Variants in PHRF1 observed in about 807,000 individuals in gnomAD.
PHRF1 encodes the protein PHD and RING finger domain-containing protein 1.
Under a neutral mutation model 128.9 loss-of-function variants are expected in PHRF1, and 53 were observed. The ratio of observed to expected loss-of-function variants is 0.41; its 90% CI spans 0.33 to 0.52. PHRF1 has a LOEUF of 0.52. PHRF1 is among the 20% of genes least tolerant of loss of function. The pLI is 0.21. For synonymous variants in PHRF1, 1,178 were observed against 980.6 expected, an observed-to-expected ratio of 1.20 and a Z score of -3.76; for missense variants, 2,503 against 2,284.5, an observed-to-expected ratio of 1.10 and a Z score of -1.95.
At position 587,346 on chromosome 11, in the gene PHRF1, C is replaced by T. The variant is rs752598915; in HGVS notation, c.302C>T (p.Ser101Phe). 11 of 1,613,728 alleles carry T rather than the reference C, an allele frequency of 6.8e-6. No homozygotes were observed. Among genetic ancestry groups the T allele is most frequent in the African/African-American group, 1.3e-5 (1 of 74,934 alleles). Residue 101 changes from serine to phenylalanine, a missense_variant, in exon 4 of 18, where the codon TCT becomes TTT. Ser to Phe is a radical substitution (Grantham distance 155). Transcript: ENST00000264555. ...GKLEAAGSFN[S>F]DDDAESCPIC... ...CTGGAAGCCGCTGGCTCTTTCAATTCTGATGATGATGCAGAGAGCTGCCCA... is the reference window on the plus strand; with the variant it reads ...CTGGAAGCCGCTGGCTCTTTCAATTTTGATGATGATGCAGAGAGCTGCCCA...
intron 6 of PHRF1, among the ~76,000 whole-genome samples, chr11:595,594 C>T (rs1855230778): frequency 6.6e-6 from 1 of 152,134 alleles, no homozygotes; most frequent in African/African-American, 2.4e-5. Context: ...TCCCCGTGCT[C>T]GTATTTAAAC....
intron 4 of PHRF1, 98 bp downstream of exon 4, chr11:587,562 G>A: frequency 1.6e-6 from 2 of 1,277,694 alleles, no homozygotes; most frequent in Middle Eastern, 2.7e-4. Context: ...GGTTCTAGTT[G>A]TCTGCTCTGC....
chr11:601,531 G>A, intron 9 of PHRF1, 43 bp from the exon 10 acceptor site: 2 of 1,611,546 alleles, frequency 1.2e-6, no homozygotes, highest in Non-Finnish European at 1.7e-6. Context: ...GGGCAGGGAG[G>A]GCCCAGCACA....
In PHRF1 at chr11:611,617, T is replaced by G; in HGVS notation, c.4807-17T>G. Reference sequence around the variant, plus strand: ...TGGATGTGAAAGGGCATTTGGTGATTGCACCTCTTTCTCCAGATCTGCCAC... The same window carrying G: ...TGGATGTGAAAGGGCATTTGGTGATGGCACCTCTTTCTCCAGATCTGCCAC... On this transcript the variant is annotated splice_polypyrimidine_tract_variant and intron_variant, in intron 17 of 17. Coordinates refer to ENST00000264555, the MANE Select transcript of PHRF1 (RefSeq NM_001286581.2). 1 of 1,612,792 alleles carries G rather than the reference T, an allele frequency of 6.2e-7. No individual in the cohort carries two copies. The highest frequency in any genetic ancestry group is 8.5e-7 in the Non-Finnish European group (1 of 1,179,780).
chr11:589,581 G>GA (rs34610235), intron 4 of PHRF1, among the ~76,000 whole-genome samples: 94,279 of 151,620 alleles, frequency 0.62, 30,228 homozygotes, highest in East Asian at 0.93. Context: ...ACTCGGGGGG[G>GA]CAGGAGGCGC....
intron 4 of PHRF1, among the ~76,000 whole-genome samples, chr11:588,779 T>G (rs1854745424): frequency 6.6e-6 from 1 of 152,220 alleles, no homozygotes; most frequent in South Asian, 2.1e-4. Flanking sequence ...ATTTTCTGTC[T>G]GGCATTTATT....
intron 1 of PHRF1, among the ~76,000 whole-genome samples, chr11:576,912 C>G (rs1271740568): frequency 6.7e-6 from 1 of 149,740 alleles, no homozygotes; most frequent in African/African-American, 2.5e-5. Context: ...GAGGCCCCGC[C>G]GAGACTGGGA....
At chr11:591,511 C>A (rs767884141) in intron 5 of PHRF1, 44 bp downstream of exon 5, 3 of 1,505,968 alleles carry the variant, frequency 2.0e-6, no homozygotes, top group Non-Finnish European at 2.7e-6. Flanking sequence ...GTGCTTCTAT[C>A]CCGGCCCTGT....
intron 6 of PHRF1, among the ~76,000 whole-genome samples, chr11:596,227 T>G (rs1237720757): frequency 6.6e-6 from 1 of 152,152 alleles, no homozygotes. Flanking sequence ...TCAAGGATCT[T>G]TGCATAGACT....
At chr11:600,177 C>T (rs1855542492) in intron 9 of PHRF1, among the ~76,000 whole-genome samples, 1 of 151,706 alleles carries the variant, frequency 6.6e-6, no homozygotes, top group Non-Finnish European at 1.5e-5. Flanking sequence ...ATGGTGCACT[C>T]AGGGATGTCA....
chr11:577,334 GT>G (rs1332516830), intron 1 of PHRF1, among the ~76,000 whole-genome samples: 1 of 152,246 alleles, frequency 6.6e-6, no homozygotes, highest in African/African-American at 2.4e-5. Context: ...CTTCTTCGGA[GT>G]TTATGTGCTT....
In PHRF1 at chr11:611,720, C is replaced by T. The variant is rs780745082; in HGVS notation, c.4893C>T (p.Arg1631=). 2 of 1,612,970 alleles carry T rather than the reference C, an allele frequency of 1.2e-6. No homozygotes were observed. Among genetic ancestry groups the T allele is most frequent in the South Asian group, 1.1e-5 (1 of 91,080 alleles). Reference sequence around the variant, plus strand: ...ACGTGGACAAGTACAGGCACATGCGCAGGCACAAGAAACCAGAGGCCGGGG... The same window carrying T: ...ACGTGGACAAGTACAGGCACATGCGTAGGCACAAGAAACCAGAGGCCGGGG... ...KAYVDKYRHM[R]RHKKPEAGEE... is the part of the protein sequence containing the mutation. The change falls in exon 18 of 18, where the codon CGC becomes CGT. Residue 1631 remains arginine, a synonymous_variant. Coordinates refer to ENST00000264555, the MANE Select transcript of PHRF1 (RefSeq NM_001286581.2).
Position 608,191 on chromosome 11 carries a change from A to C in PHRF1, c.2735A>C (p.Glu912Ala). 6.2e-7 allele frequency: 1 copy of C among 1,609,820 alleles called. No individual in the cohort carries two copies. Among genetic ancestry groups the C allele is most frequent in the South Asian group, 1.1e-5 (1 of 91,076 alleles). Residue 912 changes from glutamate (E) to alanine (A), a missense_variant, in exon 14 of 18, where the codon GAG becomes GCG. Physicochemically the swap from Glu to Ala is moderately radical, Grantham distance 107. Coordinates refer to ENST00000264555, the MANE Select transcript of PHRF1 (RefSeq NM_001286581.2). The part of the protein sequence containing the change: ...MSKLRGAVAA[E>A]GASDTEREEP... Reference sequence around the variant, plus strand: ...AAGCTCCGGGGTGCAGTGGCTGCCGAGGGGGCCTCTGACACGGAGCGAGAG... The same window carrying C: ...AAGCTCCGGGGTGCAGTGGCTGCCGCGGGGGCCTCTGACACGGAGCGAGAG...
intron 1 of PHRF1, among the ~76,000 whole-genome samples, chr11:580,226 A>C (rs1345474707): frequency 6.6e-6 from 1 of 152,202 alleles, no homozygotes; most frequent in Non-Finnish European, 1.5e-5. Context: ...CAAGGTCAAT[A>C]GCACTGATGA....
At chr11:578,050 C>T (rs979945901) in intron 1 of PHRF1, among the ~76,000 whole-genome samples, 1 of 152,190 alleles carries the variant, frequency 6.6e-6, no homozygotes, top group Non-Finnish European at 1.5e-5. Context: ...GGCTTCCTGG[C>T]CTGTGGCCTG....
intron 4 of PHRF1, among the ~76,000 whole-genome samples, chr11:589,711 TAAGAA>T (rs762679732): frequency 6.6e-6 from 1 of 152,230 alleles, no homozygotes; most frequent in Non-Finnish European, 1.5e-5. Flanking sequence ...AGCTCTGTGA[TAAGAA>T]AAGAGAAGGA....
Position 608,866 on chromosome 11 carries a change from A to G in PHRF1, c.3410A>G (p.His1137Arg), listed in dbSNP as rs572214586. The G allele has an allele frequency of 4.3e-6, 7 of 1,612,364 alleles. No individual in the cohort carries two copies. Among genetic ancestry groups the G allele is most frequent in the African/African-American group, 1.3e-5 (1 of 75,000 alleles). ...CTGGAGAGGCTCTGCAGGCACAAGC[A>G]TCAGCGGGAACGCAGCCACGAGCGG... ...SSLERLCRHK[H>R]QRERSHERPD... Residue 1137 changes from histidine (H) to arginine (R), a missense_variant, in exon 14 of 18, where the codon CAT (histidine) becomes CGT (arginine). Transcript: ENST00000264555.
At chr11:610,819 T>C (rs922371404) in intron 16 of PHRF1, 58 bp downstream of exon 16, 48 of 1,587,036 alleles carry the variant, frequency 3.0e-5, no homozygotes, top group Non-Finnish European at 5.1e-6. Flanking sequence ...AAACTAAAGT[T>C]GTTGGGGCTG....
At chr11:602,892 C>T (rs758790342) in intron 10 of PHRF1, among the ~76,000 whole-genome samples, 11 of 151,150 alleles carry the variant, frequency 7.3e-5, no homozygotes, top group South Asian at 2.1e-4. Flanking sequence ...CCTCCTGAGT[C>T]GCTGGGATTA....
Sources: allele counts gnomAD v4.1 joint callset (sites outside exome capture counted in the v4.1 genomes callset), GRCh38; gene constraint gnomAD v4.1.1; transcripts MANE v1.5; gene names NCBI Gene and HGNC (gene_info 2026-07-23, HGNC 2026-07-21).